The following MTREX variants were observed in gnomAD, a reference collection of about 807,000 sequenced individuals.
MTREX encodes the protein exosome RNA helicase MTR4.
A neutral mutation model predicts 135.4 loss-of-function variants in MTREX; 76 were observed. That is an observed-to-expected ratio of 0.56 (90% confidence interval 0.47 to 0.68). MTREX has a LOEUF of 0.68. Among genes scored for constraint, MTREX ranks in the 30% least tolerant of loss-of-function variants. The pLI is 0.00. For synonymous variants in MTREX, 404 were observed against 401.6 expected, an observed-to-expected ratio of 1.01 and a Z score of -0.07; for missense variants, 920 against 1,262.1, an observed-to-expected ratio of 0.73 and a Z score of 4.11.
At chr5:55,325,328 G>GGTTTTTTTTT (rs1749359264) in intron 3 of MTREX, among the ~76,000 whole-genome samples, 1 of 143,512 alleles carries the variant, frequency 7.0e-6, no homozygotes. Flanking sequence ...TTTTTGGGGG[G>GGTTTTTTTTT]GTTTTTTTTT....
intron 16 of MTREX, among the ~76,000 whole-genome samples, chr5:55,377,254 G>C (rs970918985): frequency 6.6e-6 from 1 of 152,078 alleles, no homozygotes; most frequent in African/African-American, 2.4e-5. Flanking sequence ...GTGAACCCGG[G>C]AGGCAGATCT....
intron 19 of MTREX, among the ~76,000 whole-genome samples, chr5:55,397,040 T>C (rs993377377): frequency 6.6e-6 from 1 of 152,226 alleles, no homozygotes; most frequent in Non-Finnish European, 1.5e-5. Context: ...CTTTCTTGAC[T>C]TCCTAAACCT....
At chr5:55,398,513 A>G (rs1289610487) in intron 20 of MTREX, among the ~76,000 whole-genome samples, 6 of 152,202 alleles carry the variant, frequency 3.9e-5, no homozygotes, top group Non-Finnish European at 7.3e-5. Flanking sequence ...GGTTTTTATC[A>G]CTATTGGTCT....
chr5:55,313,320 G>T lies in MTREX; in HGVS notation c.134+5173G>T, dbSNP rs111231063. ...CTGGGTCTTGTGGCATGCACCTGTA[G>T]TCCCTCCTAGTCAGGAGGCTGAGGT... On this transcript the variant is annotated intron_variant, in intron 1 of 26. Transcript: ENST00000230640. Among the ~76,000 whole-genome samples, 912 of 151,466 alleles carry T rather than the reference G, an allele frequency of 6.0e-3. 8 individuals carry two copies. The highest frequency in any genetic ancestry group is 0.021 in the African/African-American group (880 of 41,228).
intron 15 of MTREX, among the ~76,000 whole-genome samples, chr5:55,364,716 G>A (rs1032630698): frequency 1.4e-4 from 21 of 152,124 alleles, no homozygotes; most frequent in Non-Finnish European, 2.8e-4. Flanking sequence ...CTAGAGTGGT[G>A]GCAGTGGTAA....
At chr5:55,368,441 C>G (rs755122958) in intron 16 of MTREX, among the ~76,000 whole-genome samples, 5 of 152,058 alleles carry the variant, frequency 3.3e-5, no homozygotes, top group Non-Finnish European at 7.4e-5. Flanking sequence ...CAGAGCGAGA[C>G]TCCATCTCAA....
chr5:55,336,800 T>G (rs1386372873), intron 5 of MTREX, among the ~76,000 whole-genome samples: 1 of 152,226 alleles, frequency 6.6e-6, no homozygotes, highest in African/African-American at 2.4e-5. Context: ...TTTTCAATCC[T>G]CAGAACCTGC....
chr5:55,397,448 T>C lies in MTREX; in HGVS notation c.2214T>C (p.Ala738=). ...VVPVLVHLLS[A]ISSVRLYIPK... ...CAGTTTTGGTGCATCTCCTGTCTGC[T>C]ATCAGCAGTGTTAGGCTTTACATTC... Residue 738 remains alanine, a synonymous_variant, in exon 20 of 27, where the codon GCT becomes GCC. Transcript: ENST00000230640. 6.2e-7 allele frequency: 1 copy of C among 1,610,140 alleles called. No homozygotes were observed. Among genetic ancestry groups the C allele is most frequent in the East Asian group, 2.2e-5 (1 of 44,816 alleles).
chr5:55,360,127 C>T (rs1749983794), intron 15 of MTREX, among the ~76,000 whole-genome samples: 1 of 152,134 alleles, frequency 6.6e-6, no homozygotes, highest in Admixed American at 6.6e-5. Context: ...AAGCCCTAGA[C>T]AACAACTAAT....
At chr5:55,346,958 T>C in intron 10 of MTREX, 55 bp from the exon 11 acceptor site, 1 of 1,415,790 alleles carries the variant, frequency 7.1e-7, no homozygotes, top group Non-Finnish European at 9.6e-7. Flanking sequence ...CTTTTAAATT[T>C]AGATCTGTGA....
At chr5:55,371,972 A>T (rs981801758) in intron 16 of MTREX, among the ~76,000 whole-genome samples, 3 of 152,120 alleles carry the variant, frequency 2.0e-5, no homozygotes, top group African/African-American at 7.2e-5. Context: ...GAGTGATATA[A>T]AAAAGAAAAT....
In MTREX at chr5:55,323,861, T is replaced by C. The variant is rs545746682; in HGVS notation, c.273-271T>C. On this transcript the variant is annotated intron_variant, in intron 2 of 26. Transcript: ENST00000230640. ...AGGCACTTTTTATTCAAAATAGTTA[T>C]TGGAACTAAGCTGACATAATTATTT... 1.8e-3 allele frequency among the ~76,000 whole-genome samples: 274 copies of C among 152,358 alleles called. 2 individuals carry two copies. The highest frequency in any genetic ancestry group is 4.9e-3 in the African/African-American group (205 of 41,590).
rs929070268 is a variant in MTREX, at chr5:55,410,511, T to G, written c.2646-13T>G. The G allele has an allele frequency of 6.4e-7, 1 of 1,555,500 alleles. No homozygotes were observed. The highest frequency in any genetic ancestry group is 1.4e-5 in the African/African-American group (1 of 73,890). ...ATATTCTGACATTTTATTCTTTTGT[T>G]TTGCCATTGTAGTGCTGATGAGCTC... On this transcript the variant is annotated splice_polypyrimidine_tract_variant and intron_variant, in intron 22 of 26. Coordinates refer to ENST00000230640, the MANE Select transcript of MTREX (RefSeq NM_015360.5).
intron 5 of MTREX, chr5:55,329,343 CT>C (rs71600872): frequency 2.6e-4 from 37 of 143,828 alleles, no homozygotes; most frequent in Middle Eastern, 3.5e-3. Flanking sequence ...TTTTTTTTTT[CT>C]TTTTTTTTTA....
intron 19 of MTREX, among the ~76,000 whole-genome samples, chr5:55,394,136 T>C (rs6450305): frequency 0.063 from 9,638 of 152,324 alleles, 554 homozygotes; most frequent in African/African-American, 0.13. Context: ...CCTGTGCATA[T>C]TGAATTCGAC....
chr5:55,364,390 T>G (rs1042616911), intron 15 of MTREX, among the ~76,000 whole-genome samples: 1 of 152,180 alleles, frequency 6.6e-6, no homozygotes, highest in African/African-American at 2.4e-5. Context: ...GTTTGAGAAA[T>G]AAAAGTTTCT....
chr5:55,409,179 T>A (rs1456826544), intron 22 of MTREX, among the ~76,000 whole-genome samples: 1 of 152,076 alleles, frequency 6.6e-6, no homozygotes, highest in African/African-American at 2.4e-5. Context: ...CTTGAACTCC[T>A]GGGCTCAAGA....
chr5:55,397,428 T>G lies in MTREX; in HGVS notation c.2194T>G (p.Leu732Val). Residue 732 changes from leucine to valine, a missense_variant, in exon 20 of 27, where the codon TTG (leucine) becomes GTG (valine). Leu to Val is a conservative substitution (Grantham distance 32, BLOSUM62 1). Transcript: ENST00000230640. The stretch of plus-strand genomic sequence containing the variant: ...TTTTTGGTCATAGGTTGTCCCAGTT[T>G]TGGTGCATCTCCTGTCTGCTATCAG... ...EKGEMQVVPVLVHLLSAISSV... is the reference protein window; with the variant it reads ...EKGEMQVVPVVVHLLSAISSV... 2 of 1,608,500 alleles carry G rather than the reference T, an allele frequency of 1.2e-6. No individual in the cohort carries two copies. Among genetic ancestry groups the G allele is most frequent in the Non-Finnish European group, 1.7e-6 (2 of 1,176,172 alleles).
intron 13 of MTREX, 98 bp downstream of exon 13, chr5:55,351,127 AC>A (rs1749820756): frequency 7.5e-7 from 1 of 1,341,056 alleles, no homozygotes. Context: ...TGTGTTTTTA[AC>A]AAGGCTTAAT....
Sources: gnomAD v4.1 joint callset for allele counts (sites outside exome capture counted in the v4.1 genomes callset) on GRCh38, gnomAD v4.1.1 for gene constraint, MANE v1.5 for transcripts, NCBI Gene and HGNC (gene_info 2026-07-23, HGNC 2026-07-21) for gene names.